The following CATSPERE variants were observed in gnomAD, a reference collection of about 807,000 sequenced individuals.
The protein encoded by CATSPERE is catsper channel auxiliary subunit epsilon.
CATSPERE carries 93 observed loss-of-function variants against 114.1 expected under a neutral mutation model. That is an observed-to-expected ratio of 0.81 (90% CI 0.69 to 0.97). The LOEUF is 0.97. Among genes scored for constraint, CATSPERE ranks in the 50% least tolerant of loss-of-function variants. The pLI is 0.00. For missense variants in CATSPERE, 1,058 were observed against 1,131.6 expected (o/e 0.93, Z 0.93); for synonymous variants, 341 against 384.1 (o/e 0.89, Z 1.31).
At chr1:244,505,309 C>T (rs189261065) in intron 7 of CATSPERE, among the ~76,000 whole-genome samples, 29 of 152,274 alleles carry the variant, frequency 1.9e-4, no homozygotes, top group Admixed American at 1.7e-3. Context: ...TGGACCGTTT[C>T]GGTTCCTTTA....
intron 17 of CATSPERE, among the ~76,000 whole-genome samples, chr1:244,595,191 T>C (rs1668225776): frequency 6.6e-6 from 1 of 152,128 alleles, no homozygotes; most frequent in Admixed American, 6.6e-5. Flanking sequence ...GTGACAGGAT[T>C]TCTACCCTCA....
intron 5 of CATSPERE, among the ~76,000 whole-genome samples, chr1:244,481,267 G>T (rs945676893): frequency 1.3e-5 from 2 of 152,094 alleles, no homozygotes; most frequent in African/African-American, 4.8e-5. Flanking sequence ...GGCCAACATG[G>T]TGAAATCCCA....
intron 9 of CATSPERE, among the ~76,000 whole-genome samples, chr1:244,556,613 A>G (rs1410552429): frequency 2.0e-5 from 3 of 152,250 alleles, no homozygotes; most frequent in Non-Finnish European, 4.4e-5. Context: ...AAACAGATCC[A>G]GACCATATCG....
At chr1:244,572,191 A>G in intron 10 of CATSPERE, 139 bp from the exon 11 acceptor site, 1 of 623,822 alleles carries the variant, frequency 1.6e-6, no homozygotes, top group Non-Finnish European at 2.9e-6. Context: ...ATGGGTTCAT[A>G]TCTGCACATT....
chr1:244,451,637 G>A, upstream of CATSPERE: 1 of 1,608,872 alleles, frequency 6.2e-7, no homozygotes, highest in Non-Finnish European at 8.5e-7. This position sits in a 1 kb window ranked among gnomAD's most constrained non-coding sequence, Gnocchi z 6.6. Flanking sequence ...CGCCTCACCT[G>A]GCAGCGGCAC....
intron 17 of CATSPERE, among the ~76,000 whole-genome samples, chr1:244,603,687 T>C (rs1399105066): frequency 1.3e-5 from 2 of 150,160 alleles, no homozygotes; most frequent in South Asian, 4.2e-4. Flanking sequence ...TAATAAAACA[T>C]ATGGCTTGCA....
intron 8 of CATSPERE, among the ~76,000 whole-genome samples, chr1:244,531,198 T>G (rs1679535840): frequency 7.1e-6 from 1 of 139,992 alleles, no homozygotes; most frequent in Admixed American, 8.1e-5. Flanking sequence ...ATAGAGCCAC[T>G]GCACTCCAGC....
rs1210104249 is a variant in CATSPERE at position 244,633,347 on chromosome 1, A to G, written c.2649-2142A>G. On this transcript the variant is annotated intron_variant, in intron 20 of 21. Transcript: ENST00000366534. The surrounding 1 kb of genome is among the most constrained non-coding windows in gnomAD (Gnocchi z 4.1). ...ACTTATTCCATGCTGATTCATCACAATTTCATTCTATCAAAGGTCAACTTG... is the reference window on the plus strand; with the variant it reads ...ACTTATTCCATGCTGATTCATCACAGTTTCATTCTATCAAAGGTCAACTTG... 2.0e-5 allele frequency among the ~76,000 whole-genome samples: 3 copies of G among 152,286 alleles called. No homozygotes were observed. The highest frequency in any genetic ancestry group is 2.1e-4 in the South Asian group (1 of 4,828).
intron 8 of CATSPERE, among the ~76,000 whole-genome samples, chr1:244,528,842 C>T (rs1226372866): frequency 6.7e-6 from 1 of 149,630 alleles, no homozygotes; most frequent in Non-Finnish European, 1.5e-5. Flanking sequence ...TCTTTCCAGC[C>T]CCTGGCAACC....
intron 2 of CATSPERE, among the ~76,000 whole-genome samples, chr1:244,471,805 A>G (rs1668513935): frequency 6.6e-6 from 1 of 152,142 alleles, no homozygotes; most frequent in African/African-American, 2.4e-5. Context: ...GTTATTTCCA[A>G]CTTAGAGCTA....
At position 244,633,068 on chromosome 1, in the gene CATSPERE, G is replaced by A. The variant is rs915593723; in HGVS notation, c.2649-2421G>A. ...CACATTACATAATGATAAAGAAGGT[G>A]TAATAATCCTAAATGTGGATTTACC... On this transcript the variant is annotated intron_variant, in intron 20 of 21. Coordinates refer to ENST00000366534, the MANE Select transcript of CATSPERE (RefSeq NM_001130957.2). The surrounding 1 kb of genome is among the most constrained non-coding windows in gnomAD (Gnocchi z 4.1). Among the ~76,000 whole-genome samples the A allele has an allele frequency of 5.9e-5, 9 of 152,192 alleles. No homozygotes were observed. Among genetic ancestry groups the A allele is most frequent in the Non-Finnish European group, 1.3e-4 (9 of 68,030 alleles).
At chr1:244,581,945 T>C in intron 12 of CATSPERE, 91 bp downstream of exon 12, 1 of 538,870 alleles carries the variant, frequency 1.9e-6, no homozygotes, top group South Asian at 2.3e-5. Context: ...AATGGCCTCA[T>C]ATTCTTTTAA....
chr1:244,614,549 T>G (rs987803914), intron 19 of CATSPERE, among the ~76,000 whole-genome samples: 18 of 152,226 alleles, frequency 1.2e-4, no homozygotes, highest in African/African-American at 4.1e-4. Context: ...CAGAGGTCTG[T>G]CCGAGTCGAG....
intron 8 of CATSPERE, among the ~76,000 whole-genome samples, chr1:244,545,231 A>C (rs991749094): frequency 2.0e-5 from 3 of 152,194 alleles, no homozygotes; most frequent in Non-Finnish European, 2.9e-5. Flanking sequence ...ACCTATCAGG[A>C]TATCCCTTCT....
At chr1:244,620,898 T>A (rs933990930) in intron 20 of CATSPERE, among the ~76,000 whole-genome samples, 1 of 149,606 alleles carries the variant, frequency 6.7e-6, no homozygotes, top group Non-Finnish European at 1.5e-5. Flanking sequence ...TGTAAGGCCC[T>A]AGCAGAGACA....
chr1:244,531,235 C>CAAAAAA (rs60936159), intron 8 of CATSPERE, among the ~76,000 whole-genome samples: 3 of 60,396 alleles, frequency 5.0e-5, no homozygotes, highest in Non-Finnish European at 1.3e-4. Context: ...GACTCAGTCT[C>CAAAAAA]AAAAAAAAAA....
At position 244,638,248 on chromosome 1, in the gene CATSPERE, C is replaced by T. The variant is rs112255433; in HGVS notation, c.2703-1680C>T. ...TCGGGTTTCTATCTCATCACTCTGC[C>T]GATTAGTTCTCATTACAATAGCTTT... On this transcript the variant is annotated intron_variant, in intron 21 of 21. Transcript: ENST00000366534. Among the ~76,000 whole-genome samples the T allele has an allele frequency of 9.3e-4, 142 of 152,258 alleles. 2 individuals are homozygous for T. The highest frequency in any genetic ancestry group is 3.4e-3 in the African/African-American group (140 of 41,534).
intron 2 of CATSPERE, among the ~76,000 whole-genome samples, chr1:244,474,034 C>G (rs973154499): frequency 6.7e-6 from 1 of 149,674 alleles, no homozygotes; most frequent in Non-Finnish European, 1.5e-5. Context: ...CTTTTTTTTG[C>G]TTTTTTTTTG....
At chr1:244,459,184 TTC>T (rs1666427588), upstream of CATSPERE, among the ~76,000 whole-genome samples, 1 of 150,688 alleles carries the variant, frequency 6.6e-6, no homozygotes, top group Non-Finnish European at 1.5e-5. Flanking sequence ...GTTCAAACAA[TTC>T]TCCTGCCTCA....
Sources: allele counts gnomAD v4.1 joint callset (sites outside exome capture counted in the v4.1 genomes callset), GRCh38; gene constraint gnomAD v4.1.1; non-coding constraint Gnocchi (gnomAD v3.1); transcripts MANE v1.5; gene names NCBI Gene and HGNC (gene_info 2026-07-23, HGNC 2026-07-21).